Variants in ARHGAP9 observed in about 807,000 individuals in gnomAD.
ARHGAP9 encodes Rho GTPase activating protein 9.
ARHGAP9 carries 76 observed loss-of-function variants against 87.3 expected under a neutral mutation model. The observed-to-expected ratio is 0.87, with a 90% CI of 0.72 to 1.05. The LOEUF (loss-of-function observed/expected upper bound fraction) is 1.05, where lower values mean the gene tolerates loss of function less well. ARHGAP9 is among the 50% of genes least tolerant of loss of function. The pLI, the probability that ARHGAP9 is intolerant of heterozygous loss-of-function variation, is 0.00. For synonymous variants in ARHGAP9, 382 were observed against 394.9 expected, an observed-to-expected ratio of 0.97 and a Z score of 0.39; for missense variants, 941 against 960.5, an observed-to-expected ratio of 0.98 and a Z score of 0.27.
intron 16 of ARHGAP9, 140 bp downstream of exon 16, chr12:57,473,902 T>C (rs1872675195): frequency 7.3e-7 from 1 of 1,369,162 alleles, no homozygotes; most frequent in Non-Finnish European, 9.7e-7. Context: ...AAAAAGCAAC[T>C]GGAGTAGGCA....
rs768422277 is a variant in ARHGAP9 at position 57,473,627 on chromosome 12, C to T, written c.2000G>A (p.Arg667Gln). 2.0e-5 allele frequency: 32 copies of T among 1,613,686 alleles called. No individual in the cohort carries two copies. The highest frequency in any genetic ancestry group is 6.7e-5 in the East Asian group (3 of 44,866). Residue 667 changes from arginine to glutamine, a missense_variant, in exon 17 of 18, where the codon CGG (arginine) becomes CAG (glutamine). Transcript: ENST00000393791. The part of the protein sequence containing the change: ...SMPKPNHDTL[R>Q]YLLEHLCRVI... ...CCTGCATAAATGCTCCAGGAGGTAC[C>T]GTAGAGTGTCATGGTTGGGCTTTGG...
intron 17 of ARHGAP9, among the ~76,000 whole-genome samples, 168 bp downstream of exon 17, chr12:57,473,434 AT>A (rs758204631): frequency 1.2e-4 from 18 of 151,960 alleles, no homozygotes; most frequent in South Asian, 4.1e-4. Context: ...AAATAAAAAA[AT>A]AAAGGTTTTG....
chr12:57,479,508 G>A (rs1253214033), intron 1 of ARHGAP9, 84 bp from the exon 2 acceptor site: 2 of 1,512,204 alleles, frequency 1.3e-6, no homozygotes, highest in African/African-American at 1.4e-5. Context: ...TAGGAGCAGT[G>A]TTGCAGGGAG....
At chr12:57,481,980 G>T (rs1226265623), upstream of ARHGAP9, among the ~76,000 whole-genome samples, 1 of 152,030 alleles carries the variant, frequency 6.6e-6, no homozygotes, top group Non-Finnish European at 1.5e-5. Flanking sequence ...CTTTCTCTGG[G>T]GCTCCCATCT....
chr12:57,480,715 G>A (rs1039554073), upstream of ARHGAP9: 2 of 1,447,968 alleles, frequency 1.4e-6, no homozygotes, highest in Non-Finnish European at 1.9e-6. Flanking sequence ...TTGGTGGAAG[G>A]TGGGAAGTGA....
At position 57,477,479 on chromosome 12, in the gene ARHGAP9, G is replaced by A. The variant is rs200864783; in HGVS notation, c.736C>T (p.Arg246Cys). The A allele has an allele frequency of 2.9e-4, 462 of 1,613,976 alleles. No individual in the cohort carries two copies. The highest frequency in any genetic ancestry group is 3.6e-4 in the Non-Finnish European group (425 of 1,180,006). Residue 246 changes from arginine (R) to cysteine (C), a missense_variant, in exon 4 of 18, where the codon CGC (arginine) becomes TGC (cysteine). Transcript: ENST00000393791. ...LTGCKSWKPP[R>C]RSRSETNPGS... ...CTCACCGTCTCGCTGCGACTGCGGC[G>A]CGGGGGCTTCCAGGACTTGCAGCCA...
At chr12:57,473,538 A>G in intron 17 of ARHGAP9, 65 bp downstream of exon 17, 1 of 1,451,064 alleles carries the variant, frequency 6.9e-7, no homozygotes, top group Non-Finnish European at 9.7e-7. Context: ...ACCTGCACAG[A>G]GTCCCTGTGG....
At chr12:57,475,222 G>A in intron 12 of ARHGAP9, 69 bp downstream of exon 12, 1 of 1,457,282 alleles carries the variant, frequency 6.9e-7, no homozygotes, top group Non-Finnish European at 9.3e-7. Context: ...TTGTGGTCTA[G>A]TTCTGGGAAG....
intron 4 of ARHGAP9, 64 bp from the exon 5 acceptor site, chr12:57,477,333 C>T (rs544591603): frequency 2.6e-6 from 4 of 1,513,582 alleles, no homozygotes; most frequent in Admixed American, 3.9e-5. Context: ...TCTCCACACC[C>T]TTCTTATACT....
In ARHGAP9 at chr12:57,479,724, A is replaced by T; in HGVS notation, c.-19+6T>A. 1 of 1,550,814 alleles carries T rather than the reference A, an allele frequency of 6.4e-7. No homozygotes were observed. Among genetic ancestry groups the T allele is most frequent in the Non-Finnish European group, 8.7e-7 (1 of 1,147,016 alleles). On this transcript the variant is annotated splice_donor_region_variant and intron_variant, in intron 1 of 17. Coordinates refer to ENST00000393791, the MANE Select transcript of ARHGAP9 (RefSeq NM_032496.4). ...TGACCTAGGCCAGTAGTTTTCCTCCAAGTACCTTGTGGGGCCCATCAGAAG... is the reference window on the plus strand; with the variant it reads ...TGACCTAGGCCAGTAGTTTTCCTCCTAGTACCTTGTGGGGCCCATCAGAAG...
At position 57,479,138 on chromosome 12, in the gene ARHGAP9, G is replaced by A. The variant is rs751993886; in HGVS notation, c.269C>T (p.Ser90Phe). ...GGGGATGACGGTAGTTGGACTCTGG[G>A]AAGGGATGGATTCCTCTATCATATA... is the stretch of plus-strand genomic sequence containing the variant. The part of the protein sequence containing the change: ...AAYMIEESIP[S>F]QSPTTVIPGQ... The change falls in exon 2 of 18, where the codon TCC becomes TTC. Residue 90 changes from serine to phenylalanine, a missense_variant. Transcript: ENST00000393791. The A allele has an allele frequency of 1.9e-6, 3 of 1,614,186 alleles. No homozygotes were observed. Among genetic ancestry groups the A allele is most frequent in the Non-Finnish European group, 1.7e-6 (2 of 1,180,028 alleles).
At chr12:57,488,415 C>T in intron 1 of ARHGAP9, 9 of 766,814 alleles carry the variant, frequency 1.2e-5, no homozygotes, top group Non-Finnish European at 1.9e-5. Context: ...CCTTATCTCT[C>T]TCCTCCCCTC....
At chr12:57,477,777 C>G (rs1874330646) in intron 3 of ARHGAP9, 97 bp from the exon 4 acceptor site, 7 of 1,544,012 alleles carry the variant, frequency 4.5e-6, no homozygotes, top group Non-Finnish European at 6.1e-6. Context: ...CCCCCATTGT[C>G]TTCTCACCGC....
chr12:57,488,498 G>A (rs1319296996), intron 1 of ARHGAP9: 3 of 1,411,770 alleles, frequency 2.1e-6, no homozygotes, highest in Non-Finnish European at 2.9e-6. Context: ...ACACCTATCA[G>A]GCATCCCCCT....
chr12:57,480,474 G>C (rs1343404774), upstream of ARHGAP9, among the ~76,000 whole-genome samples: 2 of 152,102 alleles, frequency 1.3e-5, no homozygotes, highest in African/African-American at 4.8e-5. Flanking sequence ...GAGCCACTGC[G>C]CCCGGCCTCA....
At position 57,475,357 on chromosome 12, in the gene ARHGAP9, T is replaced by C. The variant is rs1565613899; in HGVS notation, c.1486A>G (p.Lys496Glu). The change falls in exon 12 of 18, where the codon AAA (lysine) becomes GAA (glutamate). Residue 496 changes from lysine (K) to glutamate (E), a missense_variant. Physicochemically the swap from Lys to Glu is moderately conservative, Grantham distance 56. Transcript: ENST00000393791. ...CTCTTCGCGATGAGCCGCTTTAGTT[T>C]GTTGCGCACGCGGTTCTGCTCGGTG... ...EGTEQNRVRN[K>E]LKRLIAKRPP... is the part of the protein sequence containing the mutation. 2 of 1,603,776 alleles carry C rather than the reference T, an allele frequency of 1.2e-6. No individual in the cohort carries two copies. Among genetic ancestry groups the C allele is most frequent in the African/African-American group, 1.3e-5 (1 of 74,944 alleles).
chr12:57,475,448 G>A (rs750873514), intron 11 of ARHGAP9, 35 bp downstream of exon 11: 74 of 1,575,684 alleles, frequency 4.7e-5, no homozygotes, highest in Non-Finnish European at 6.0e-5. Flanking sequence ...GCCTCGCTGC[G>A]CTCCCGGACT....
Position 57,476,919 on chromosome 12 carries a change from T to C in ARHGAP9, c.915A>G (p.Pro305=). Reference sequence around the variant, plus strand: ...GCAGAGGTCGAGGGGCCTGCAAGGCTGGAGGGTCAAGCTGCGAGGTGCGTT... The same window carrying C: ...GCAGAGGTCGAGGGGCCTGCAAGGCCGGAGGGTCAAGCTGCGAGGTGCGTT... The part of the protein sequence containing the change: ...LSQRTSQLDP[P]ALQAPRPLPQ... The change falls in exon 6 of 18, where the codon CCA becomes CCG. Residue 305 remains proline, a synonymous_variant. Transcript: ENST00000393791. The C allele has an allele frequency of 6.2e-7, 1 of 1,613,568 alleles. No homozygotes were observed. The highest frequency in any genetic ancestry group is 8.5e-7 in the Non-Finnish European group (1 of 1,179,892).
intron 17 of ARHGAP9, 61 bp downstream of exon 17, chr12:57,473,542 C>T (rs1348453154): frequency 1.1e-5 from 17 of 1,478,912 alleles, no homozygotes; most frequent in Non-Finnish European, 1.3e-5. Flanking sequence ...GCACAGAGTC[C>T]CTGTGGCATT....
Sources: gnomAD v4.1 joint callset for allele counts (sites outside exome capture counted in the v4.1 genomes callset) on GRCh38, gnomAD v4.1.1 for gene constraint, MANE v1.5 for transcripts, NCBI Gene and HGNC (gene_info 2026-07-23, HGNC 2026-07-21) for gene names.